The following BRINP1 variants were observed in gnomAD, a reference collection of about 807,000 sequenced individuals.
The protein encoded by BRINP1 is BMP/retinoic acid-inducible neural-specific protein 1.
Under a neutral mutation model 72.9 loss-of-function variants are expected in BRINP1, and 17 were observed. The ratio of observed to expected loss-of-function variants is 0.23; its 90% CI spans 0.16 to 0.35. The LOEUF (loss-of-function observed/expected upper bound fraction) is 0.35, where lower values mean the gene tolerates loss of function less well. BRINP1 is among the 10% of genes least tolerant of loss of function. The probability of loss-of-function intolerance (pLI) is 1.00; values close to 1 mark genes in which losing one functional copy is unlikely to be tolerated. For missense variants in BRINP1, 850 were observed against 1,001.6 expected (o/e 0.85, Z 2.04); for synonymous variants, 418 against 378.5 (o/e 1.10, Z -1.21).
At chr9:119,171,033 A>C (rs1829403036) in intron 7 of BRINP1, among the ~76,000 whole-genome samples, 1 of 146,986 alleles carries the variant, frequency 6.8e-6, no homozygotes, top group Non-Finnish European at 1.5e-5. Context: ...AATCATGCCA[A>C]AATGTAAAGA....
intron 2 of BRINP1, among the ~76,000 whole-genome samples, chr9:119,251,671 A>G (rs58071142): frequency 0.76 from 114,447 of 151,548 alleles, 43,414 homozygotes; most frequent in East Asian, 0.91. Flanking sequence ...TACAGAAAAC[A>G]TTGAGAAGGG....
At chr9:119,355,570 C>A (rs983719301) in intron 1 of BRINP1, among the ~76,000 whole-genome samples, 1 of 151,782 alleles carries the variant, frequency 6.6e-6, no homozygotes, top group Non-Finnish European at 1.5e-5. Context: ...CTAATAAAAA[C>A]ACAAAAAAAT....
At chr9:119,230,362 G>C (rs1001486652) in intron 5 of BRINP1, among the ~76,000 whole-genome samples, 1 of 152,006 alleles carries the variant, frequency 6.6e-6, no homozygotes, top group Non-Finnish European at 1.5e-5. Context: ...ATCTGATTTG[G>C]CTTTAAGAAG....
chr9:119,172,013 C>A (rs10984427), intron 7 of BRINP1, among the ~76,000 whole-genome samples: 1 of 120,684 alleles, frequency 8.3e-6, no homozygotes, highest in Non-Finnish European at 1.6e-5. Context: ...AGCACTAAAT[C>A]CCCACAAGAG....
intron 3 of BRINP1, among the ~76,000 whole-genome samples, chr9:119,247,578 C>A (rs13284910): frequency 0.17 from 24,852 of 148,238 alleles, 2,575 homozygotes; most frequent in East Asian, 0.27. Context: ...TGGCGTGAAC[C>A]CGGGAGGCGG....
intron 2 of BRINP1, among the ~76,000 whole-genome samples, chr9:119,265,243 G>A (rs1018210928): frequency 6.6e-6 from 1 of 152,106 alleles, no homozygotes. Context: ...TGTCCTGCAC[G>A]AGAATGGAAA....
In BRINP1 at chr9:119,334,353, A is replaced by G. The variant is rs1281449299; in HGVS notation, c.-50-20948T>C. Among the ~76,000 whole-genome samples, 6 of 152,196 alleles carry G rather than the reference A, an allele frequency of 3.9e-5. 1 individual carries two copies. The highest frequency in any genetic ancestry group is 3.9e-4 in the Admixed American group (6 of 15,286). ...TTTCACAACACCGTGTTGTTGGCAC[A>G]ACGGGGAAACTGAATCATCACCCCA... On this transcript the variant is annotated intron_variant, in intron 1 of 7. Transcript: ENST00000265922.
At chr9:119,249,976 A>G (rs1264615978) in intron 2 of BRINP1, among the ~76,000 whole-genome samples, 6 of 111,968 alleles carry the variant, frequency 5.4e-5, no homozygotes, top group Admixed American at 3.7e-4. Flanking sequence ...GAGGGAGGGA[A>G]GAAGGAAGGA....
Position 119,368,067 on chromosome 9 carries a change from A to G in BRINP1, c.-51+989T>C, listed in dbSNP as rs1453053421. Among the ~76,000 whole-genome samples the G allele has an allele frequency of 2.6e-5, 4 of 152,168 alleles. No individual in the cohort carries two copies. The highest frequency in any genetic ancestry group is 3.2e-3 in the Middle Eastern group (1 of 316). ...GAAATTTCCTCTGAGACCCTTTGCA[A>G]CTGTGATGGATGAGCAAGTCCCCGA... On this transcript the variant is annotated intron_variant, in intron 1 of 7. Coordinates refer to ENST00000265922, the MANE Select transcript of BRINP1 (RefSeq NM_014618.3). The surrounding 1 kb of genome is among the most constrained non-coding windows in gnomAD (Gnocchi z 4.7).
intron 4 of BRINP1, 129 bp downstream of exon 4, chr9:119,241,918 G>A (rs1293166181): frequency 3.2e-6 from 3 of 933,448 alleles, no homozygotes; most frequent in East Asian, 4.9e-5. Flanking sequence ...CAAAGCAGCT[G>A]GCAGAGGGCA....
Position 119,310,063 on chromosome 9 carries a change from T to C in BRINP1, c.218+3075A>G, listed in dbSNP as rs370374344. On this transcript the variant is annotated intron_variant, in intron 2 of 7. Transcript: ENST00000265922. ...ATCCTTTCCACTACCACATGCTGTG[T>C]TTCCAAATGACACTATTTCACAGAA... Among the ~76,000 whole-genome samples, 93 of 152,272 alleles carry C rather than the reference T, an allele frequency of 6.1e-4. 1 individual carries two copies. In the South Asian group the frequency reaches 0.019, roughly 31 times the overall value.
At chr9:119,321,842 T>C (rs1366497026) in intron 1 of BRINP1, among the ~76,000 whole-genome samples, 1 of 152,192 alleles carries the variant, frequency 6.6e-6, no homozygotes, top group Non-Finnish European at 1.5e-5. Context: ...AAATAAAAAA[T>C]TAAGGTGGCT....
chr9:119,184,159 A>G (rs17220659), intron 7 of BRINP1, among the ~76,000 whole-genome samples: 7,338 of 152,272 alleles, frequency 0.048, 227 homozygotes, highest in South Asian at 0.063. Context: ...TGCATCAGCC[A>G]AGTGAGTCAA....
intron 7 of BRINP1, among the ~76,000 whole-genome samples, chr9:119,188,110 G>C (rs1030622625): frequency 3.9e-5 from 6 of 152,156 alleles, no homozygotes; most frequent in African/African-American, 1.4e-4. Flanking sequence ...ATGAGTGTAA[G>C]AGGAATAATA....
At position 119,166,720 on chromosome 9, in the gene BRINP1, CTCTT is replaced by C. The variant is rs951527736; in HGVS notation, c.*360_*363del. Reference sequence around the variant, plus strand: ...TGTCAGTTGTACATTACATATATCTCTCTTTCTTTTTAGTGTTTAATCTTAGCAC... The same window carrying C: ...TGTCAGTTGTACATTACATATATCTCTCTTTTTAGTGTTTAATCTTAGCAC... On this transcript the variant is annotated 3_prime_UTR_variant, in exon 8 of 8. Transcript: ENST00000265922. The C allele has an allele frequency of 2.3e-5, 4 of 175,318 alleles. No individual in the cohort carries two copies. The highest frequency in any genetic ancestry group is 1.8e-4 in the Admixed American group (3 of 17,020). The allele number at this position is 175,318 out of a possible 1,614,324, so 10.9% of individuals were successfully genotyped here.
At chr9:119,272,264 G>A (rs2118952697) in intron 2 of BRINP1, among the ~76,000 whole-genome samples, 1 of 152,074 alleles carries the variant, frequency 6.6e-6, no homozygotes, top group East Asian at 1.9e-4. Flanking sequence ...TGTATTTTTA[G>A]TAGAGATGGG....
intron 2 of BRINP1, among the ~76,000 whole-genome samples, chr9:119,286,281 GGAGTGCAGTGGCGT>G (rs1830760117): frequency 6.6e-6 from 1 of 151,126 alleles, no homozygotes; most frequent in African/African-American, 2.4e-5. Flanking sequence ...CGCCAGGGCT[GGAGTGCAGTGGCGT>G]GATCTCGGCT....
intron 7 of BRINP1, among the ~76,000 whole-genome samples, chr9:119,195,201 T>C (rs924245013): frequency 6.6e-6 from 1 of 152,162 alleles, no homozygotes; most frequent in Non-Finnish European, 1.5e-5. Context: ...GGGGCACTCA[T>C]TGTCTTGCTC....
At chr9:119,203,483 C>T (rs1270046613) in intron 7 of BRINP1, among the ~76,000 whole-genome samples, 4 of 152,166 alleles carry the variant, frequency 2.6e-5, no homozygotes, top group African/African-American at 9.7e-5. Context: ...AGAATAAGAA[C>T]AATACCTAAC....
Sources: gnomAD v4.1 joint callset for allele counts (sites outside exome capture counted in the v4.1 genomes callset) on GRCh38, gnomAD v4.1.1 for gene constraint, Gnocchi (gnomAD v3.1) non-coding constraint, MANE v1.5 for transcripts, NCBI Gene and HGNC (gene_info 2026-07-23, HGNC 2026-07-21) for gene names.